Variants in SAMD12 observed in about 807,000 individuals in gnomAD.
SAMD12 encodes sterile alpha motif domain-containing protein 12.
In SAMD12, 9 loss-of-function variants were observed where a neutral mutation model predicts 15.0. That is an observed-to-expected ratio of 0.60 (90% CI 0.36 to 1.05). SAMD12 has a LOEUF of 1.05. Ranked by LOEUF, SAMD12 falls within the 50% of genes least tolerant of loss-of-function variation. The probability of loss-of-function intolerance (pLI) is 0.01; values close to 1 mark genes in which losing one functional copy is unlikely to be tolerated. For missense variants in SAMD12, 230 were observed against 234.2 expected (o/e 0.98, Z 0.12); for synonymous variants, 86 against 90.1 (o/e 0.96, Z 0.25).
At chr8:118,257,634 C>T (rs1325977399) in intron 4 of SAMD12, among the ~76,000 whole-genome samples, 1 of 151,996 alleles carries the variant, frequency 6.6e-6, no homozygotes, top group East Asian at 1.9e-4. Flanking sequence ...GCATTCTGGG[C>T]CCAACTCTGA....
At chr8:118,451,015 G>T (rs1823065390) in intron 2 of SAMD12, among the ~76,000 whole-genome samples, 1 of 152,156 alleles carries the variant, frequency 6.6e-6, no homozygotes, top group Admixed American at 6.5e-5. Flanking sequence ...AACATGGGAA[G>T]AGTTGTCTTA....
At chr8:118,570,161 G>A (rs1374085834) in intron 2 of SAMD12, among the ~76,000 whole-genome samples, 1 of 152,148 alleles carries the variant, frequency 6.6e-6, no homozygotes, top group Non-Finnish European at 1.5e-5. Flanking sequence ...CTGAAATCTT[G>A]GCCAACGCTA....
At chr8:118,161,711 T>A in the SAMD12 span, among the ~76,000 whole-genome samples, 1 of 14,586 alleles carries the variant, frequency 6.9e-5, no homozygotes, top group Non-Finnish European at 5.1e-4. Flanking sequence ...ATAAATTATT[T>A]ATTATTATTA....
At chr8:118,197,635 G>A (rs1275369020) in exon 5 of SAMD12, 3 of 1,205,436 alleles carry the variant, frequency 2.5e-6, no homozygotes, top group Middle Eastern at 1.9e-4. Flanking sequence ...GCAGTGCCAT[G>A]GGTTAGTCTT....
At chr8:118,275,782 C>T (rs1221384275) in intron 4 of SAMD12, among the ~76,000 whole-genome samples, 1 of 152,220 alleles carries the variant, frequency 6.6e-6, no homozygotes, top group Non-Finnish European at 1.5e-5. Flanking sequence ...CAGCATTTAG[C>T]TCCCACTTGG....
chr8:118,379,303 C>T lies in SAMD12; in HGVS notation c.*114G>A. ...GTTGTGCAGTACACAATCCATACAA[C>T]TGTACGTGACCACCTTGAAGTTAGC... On this transcript the variant is annotated 3_prime_UTR_variant, in exon 4 of 4. Coordinates refer to ENST00000314727, the MANE Select transcript of SAMD12 (RefSeq NM_207506.3). 1.4e-6 allele frequency: 2 copies of T among 1,478,648 alleles called. No homozygotes were observed. The highest frequency in any genetic ancestry group is 8.9e-7 in the Non-Finnish European group (1 of 1,119,132). The allele number at this position is 1,478,648 out of a possible 1,614,324, so 91.6% of individuals were successfully genotyped here. A position where few individuals can be genotyped will look rare whatever the true frequency, so the allele number is the denominator to read the frequency against.
intron 4 of SAMD12, chr8:118,284,236 G>A (rs553077226): frequency 2.2e-6 from 1 of 450,172 alleles, no homozygotes; most frequent in Non-Finnish European, 4.4e-6. Context: ...TTTAAAGGCA[G>A]ATGAAACAAT....
chr8:118,258,721 T>C (rs1813009688), intron 4 of SAMD12, among the ~76,000 whole-genome samples: 1 of 152,140 alleles, frequency 6.6e-6, no homozygotes, highest in South Asian at 2.1e-4. Flanking sequence ...GTTTGAACTA[T>C]TATCAGACGT....
At chr8:118,178,417 G>A in the SAMD12 span, among the ~76,000 whole-genome samples, 1 of 152,072 alleles carries the variant, frequency 6.6e-6, no homozygotes, top group Admixed American at 6.6e-5. Context: ...TTCCTGCAAA[G>A]CATAAAAACC....
intron 4 of SAMD12, among the ~76,000 whole-genome samples, chr8:118,268,466 T>C (rs549489455): frequency 1.3e-5 from 2 of 152,308 alleles, no homozygotes; most frequent in East Asian, 1.9e-4. Flanking sequence ...TAAATACTTA[T>C]CACCAACTCA....
chr8:118,318,498 G>C lies in SAMD12; in HGVS notation c.433+61062C>G, dbSNP rs760956826. 1.9e-3 allele frequency among the ~76,000 whole-genome samples: 289 copies of C among 151,824 alleles called. 2 individuals are homozygous for C. The highest frequency in any genetic ancestry group is 4.1e-3 in the Admixed American group (63 of 15,234). On this transcript the variant is annotated intron_variant, in intron 4 of 4. Transcript: ENST00000409003. ...ACCAAATACCCATATGTTCTCACTTGTAAGTGGGAGCTAAGCTATGAATAC... is the reference window on the plus strand; with the variant it reads ...ACCAAATACCCATATGTTCTCACTTCTAAGTGGGAGCTAAGCTATGAATAC...
At chr8:118,422,230 A>T (rs1266743974) in intron 3 of SAMD12, among the ~76,000 whole-genome samples, 1 of 152,226 alleles carries the variant, frequency 6.6e-6, no homozygotes, top group Admixed American at 6.5e-5. Context: ...TAACACAGCT[A>T]GAGATAGTAA....
chr8:118,337,161 T>C (rs866747865), intron 4 of SAMD12, among the ~76,000 whole-genome samples: 1 of 144,778 alleles, frequency 6.9e-6, no homozygotes, highest in African/African-American at 2.6e-5. Flanking sequence ...AAAGTATAAT[T>C]AAAAAAAGAA....
chr8:118,364,156 T>C (rs1818645884), intron 4 of SAMD12, among the ~76,000 whole-genome samples: 1 of 152,056 alleles, frequency 6.6e-6, no homozygotes, highest in East Asian at 1.9e-4. Context: ...TCACAGGAGG[T>C]AGTACCATGA....
intron 4 of SAMD12, among the ~76,000 whole-genome samples, chr8:118,345,942 G>C (rs1817621881): frequency 6.6e-6 from 1 of 152,318 alleles, no homozygotes; most frequent in Admixed American, 6.5e-5. Flanking sequence ...AGGAGTACCA[G>C]GAAAGGTGCT....
intron 2 of SAMD12, among the ~76,000 whole-genome samples, chr8:118,456,624 C>T (rs1401954653): frequency 6.6e-6 from 1 of 152,196 alleles, no homozygotes; most frequent in Non-Finnish European, 1.5e-5. Flanking sequence ...GTTTTCACGT[C>T]AAGACAAAGG....
intron 4 of SAMD12, chr8:118,288,502 G>A (rs1402674923): frequency 1.3e-5 from 2 of 152,126 alleles, no homozygotes; most frequent in Non-Finnish European, 2.9e-5. Flanking sequence ...AGAAATCTAA[G>A]GCAGCAATTT....
chr8:118,447,738 A>ATTTATTTATTTATTTT (rs1333982217), intron 2 of SAMD12, among the ~76,000 whole-genome samples: 1 of 141,144 alleles, frequency 7.1e-6, no homozygotes, highest in African/African-American at 2.8e-5. Flanking sequence ...TTATTTATTT[A>ATTTATTTATTTATTTT]TTTTTGAGAT....
chr8:118,318,660 C>T (rs60914960), intron 4 of SAMD12, among the ~76,000 whole-genome samples: 5,207 of 151,944 alleles, frequency 0.034, 293 homozygotes, highest in African/African-American at 0.11. Flanking sequence ...GAATTCACCT[C>T]TATATAAGTC....
Sources: allele counts gnomAD v4.1 joint callset (sites outside exome capture counted in the v4.1 genomes callset), GRCh38; gene constraint gnomAD v4.1.1; transcripts MANE v1.5; gene names NCBI Gene and HGNC (gene_info 2026-07-23, HGNC 2026-07-21).